Variants in SLC4A10 observed in about 807,000 individuals in gnomAD.
The protein encoded by SLC4A10 is solute carrier family 4 member 10.
A neutral mutation model predicts 137.7 loss-of-function variants in SLC4A10; 42 were observed. That is an observed-to-expected ratio of 0.30 (90% CI 0.24 to 0.39). The LOEUF is 0.39. Ranked by LOEUF, SLC4A10 falls within the 10% of genes least tolerant of loss-of-function variation. SLC4A10 has a pLI of 1.00. For missense variants in SLC4A10, 925 were observed against 1,355.0 expected, an observed-to-expected ratio of 0.68 and a Z score of 4.98; for synonymous variants, 474 against 464.1, an observed-to-expected ratio of 1.02 and a Z score of -0.27.
intron 1 of SLC4A10, among the ~76,000 whole-genome samples, chr2:161,715,648 A>G (rs1043030339): frequency 3.9e-5 from 6 of 152,084 alleles, no homozygotes; most frequent in African/African-American, 1.4e-4. Flanking sequence ...AGCTCCATCC[A>G]TATCCCTGTA....
intron 1 of SLC4A10, among the ~76,000 whole-genome samples, chr2:161,705,529 G>T (rs2043563525): frequency 6.6e-6 from 1 of 151,640 alleles, no homozygotes; most frequent in Non-Finnish European, 1.5e-5. Context: ...TTTTTACTCT[G>T]CTGTGGTCTG....
chr2:161,797,539 T>G (rs2054905181), intron 2 of SLC4A10, among the ~76,000 whole-genome samples: 1 of 151,874 alleles, frequency 6.6e-6, no homozygotes, highest in South Asian at 2.1e-4. Flanking sequence ...TTAGCCAGTT[T>G]TTTTTTTTAC....
At chr2:161,837,540 T>C (rs563210445) in intron 3 of SLC4A10, among the ~76,000 whole-genome samples, 10 of 152,258 alleles carry the variant, frequency 6.6e-5, no homozygotes, top group African/African-American at 2.4e-4. Context: ...ATAGATTTAG[T>C]GCAATATCAA....
intron 3 of SLC4A10, among the ~76,000 whole-genome samples, chr2:161,808,280 C>T (rs2056204052): frequency 6.6e-6 from 1 of 152,012 alleles, no homozygotes; most frequent in African/African-American, 2.4e-5. Flanking sequence ...TTTGATCCCT[C>T]TTTTATATTT....
Position 161,719,939 on chromosome 2 carries a change from G to T in SLC4A10, c.49-51034G>T, listed in dbSNP as rs530099540. Reference sequence around the variant, plus strand: ...CAATTTTGGCTTTTGTTGCCATTGCGTTTGGTGTTTTAGACATGAAGTCCT... The same window carrying T: ...CAATTTTGGCTTTTGTTGCCATTGCTTTTGGTGTTTTAGACATGAAGTCCT... On this transcript the variant is annotated intron_variant, in intron 1 of 26. Coordinates refer to ENST00000446997, the MANE Select transcript of SLC4A10 (RefSeq NM_001178015.2). 4.1e-3 allele frequency among the ~76,000 whole-genome samples: 620 copies of T among 152,180 alleles called. 3 individuals carry two copies. Among genetic ancestry groups the T allele is most frequent in the Middle Eastern group, 0.027 (8 of 294 alleles).
intron 23 of SLC4A10, among the ~76,000 whole-genome samples, chr2:161,970,065 A>T (rs1000073176): frequency 6.6e-6 from 1 of 152,338 alleles, no homozygotes; most frequent in Middle Eastern, 3.4e-3. Flanking sequence ...GATGGGGCCA[A>T]CCATCTCTGT....
intron 1 of SLC4A10, among the ~76,000 whole-genome samples, chr2:161,630,224 T>A (rs200391741): frequency 3.3e-5 from 5 of 151,826 alleles, no homozygotes; most frequent in South Asian, 2.1e-4. Flanking sequence ...CGTTGTCGGA[T>A]TGATTCAGTA....
intron 2 of SLC4A10, among the ~76,000 whole-genome samples, chr2:161,800,101 A>C (rs987480108): frequency 2.6e-5 from 4 of 152,010 alleles, no homozygotes; most frequent in African/African-American, 9.7e-5. Flanking sequence ...TGTAGAAAAT[A>C]AGTGTCTGCA....
intron 5 of SLC4A10, among the ~76,000 whole-genome samples, chr2:161,858,573 A>G (rs1376793551): frequency 3.3e-5 from 5 of 152,096 alleles, no homozygotes; most frequent in African/African-American, 1.2e-4. Flanking sequence ...TCTTACCACA[A>G]TTTACTCTGA....
chr2:161,850,656 G>T (rs899929409), intron 4 of SLC4A10, among the ~76,000 whole-genome samples: 4 of 151,968 alleles, frequency 2.6e-5, no homozygotes, highest in Non-Finnish European at 5.9e-5. Flanking sequence ...CTTTCAAAGA[G>T]CCAAGTCTTG....
intron 3 of SLC4A10, among the ~76,000 whole-genome samples, chr2:161,819,256 T>A (rs959271713): frequency 2.0e-5 from 3 of 152,106 alleles, no homozygotes; most frequent in Non-Finnish European, 4.4e-5. Context: ...TATGTCATGG[T>A]TGGGCTGTGA....
chr2:161,624,492 G>T lies in SLC4A10; in HGVS notation c.-27G>T, dbSNP rs1221581445. The T allele has an allele frequency of 1.9e-6, 3 of 1,552,354 alleles. No individual in the cohort carries two copies. The highest frequency in any genetic ancestry group is 2.6e-6 in the Non-Finnish European group (3 of 1,147,374). On this transcript the variant is annotated 5_prime_UTR_variant, in exon 1 of 27. Coordinates refer to ENST00000446997, the MANE Select transcript of SLC4A10 (RefSeq NM_001178015.2). ...GACACTGAAGACACTGCAGAGCAAG[G>T]TGCTTATTCCAGAGGCGTTACAAAA...
At chr2:161,945,681 A>G (rs895893767) in intron 16 of SLC4A10, among the ~76,000 whole-genome samples, 2 of 151,714 alleles carry the variant, frequency 1.3e-5, no homozygotes, top group Non-Finnish European at 2.9e-5. Context: ...TAATTGTTGA[A>G]TTTAGCAGGT....
At chr2:161,762,961 AG>A (rs1169182889) in intron 1 of SLC4A10, among the ~76,000 whole-genome samples, 1 of 152,116 alleles carries the variant, frequency 6.6e-6, no homozygotes, top group Non-Finnish European at 1.5e-5. Context: ...ATATTAATGA[AG>A]ATACTAACCC....
At chr2:161,962,485 C>T (rs1696890939) in intron 21 of SLC4A10, among the ~76,000 whole-genome samples, 1 of 152,088 alleles carries the variant, frequency 6.6e-6, no homozygotes, top group Non-Finnish European at 1.5e-5. Context: ...CCTACCTCTA[C>T]CATGCACCAA....
At chr2:161,745,849 T>C (rs190115138) in intron 1 of SLC4A10, among the ~76,000 whole-genome samples, 1 of 152,296 alleles carries the variant, frequency 6.6e-6, no homozygotes, top group Non-Finnish European at 1.5e-5. Context: ...GCCTTGGTGG[T>C]GTTGTGTAAA....
intron 1 of SLC4A10, among the ~76,000 whole-genome samples, chr2:161,740,410 G>A (rs1204906565): frequency 6.6e-6 from 1 of 152,104 alleles, no homozygotes; most frequent in Admixed American, 6.6e-5. Context: ...GAACTCTTCT[G>A]GGCACTGTCA....
At chr2:161,625,707 A>C (rs890987490) in intron 1 of SLC4A10, among the ~76,000 whole-genome samples, 1 of 152,038 alleles carries the variant, frequency 6.6e-6, no homozygotes, top group Admixed American at 6.6e-5. Flanking sequence ...CCGGGCTCAC[A>C]TGCTGCAAAA....
intron 1 of SLC4A10, among the ~76,000 whole-genome samples, chr2:161,645,777 T>C (rs1046422756): frequency 1.3e-5 from 2 of 152,044 alleles, no homozygotes; most frequent in Non-Finnish European, 2.9e-5. Context: ...TACATAAATC[T>C]GAGAGCCAGT....
Sources: allele counts gnomAD v4.1 joint callset (sites outside exome capture counted in the v4.1 genomes callset), GRCh38; gene constraint gnomAD v4.1.1; transcripts MANE v1.5; gene names NCBI Gene and HGNC (gene_info 2026-07-23, HGNC 2026-07-21).